EXTL3: variants seen among roughly 807,000 people sequenced by gnomAD.
The protein encoded by EXTL3 is exostosin-like 3.
EXTL3 carries 27 observed loss-of-function variants against 69.3 expected under a neutral mutation model. The observed-to-expected ratio is 0.39, with a 90% CI of 0.29 to 0.54. The LOEUF (loss-of-function observed/expected upper bound fraction) is 0.54. Ranked by LOEUF, EXTL3 falls within the 20% of genes least tolerant of loss-of-function variation. The probability of loss-of-function intolerance (pLI) is 0.69; values close to 1 mark genes in which losing one functional copy is unlikely to be tolerated. For synonymous variants in EXTL3, 511 were observed against 499.4 expected (o/e 1.02, Z -0.31); for missense variants, 1,003 against 1,231.8 (o/e 0.81, Z 2.78).
chr8:28,718,096 T>C lies in EXTL3; in HGVS notation c.2037T>C (p.Ser679=). 6.2e-7 allele frequency: 1 copy of C among 1,614,080 alleles called. No homozygotes were observed. Among genetic ancestry groups the C allele is most frequent in the Admixed American group, 1.7e-5 (1 of 60,018 alleles). The change falls in exon 3 of 7, where the codon TCT becomes TCC. Residue 679 remains serine (S), a synonymous_variant. Coordinates refer to ENST00000220562, the MANE Select transcript of EXTL3 (RefSeq NM_001440.4). ...TYEREEVLMN[S]LERLNGLPYL... ...AGCGGGAGGAAGTGCTTATGAACTC[T>C]TTAGAGAGGCTGAATGGCCTCCCTT...
intron 1 of EXTL3, among the ~76,000 whole-genome samples, chr8:28,634,468 C>T (rs1005179865): frequency 6.6e-6 from 1 of 152,148 alleles, no homozygotes; most frequent in Non-Finnish European, 1.5e-5. Flanking sequence ...TTTCCCACCC[C>T]TCCACACCTT....
At chr8:28,715,120 GA>G (rs1451855502) in intron 2 of EXTL3, among the ~76,000 whole-genome samples, 2 of 152,156 alleles carry the variant, frequency 1.3e-5, no homozygotes, top group Non-Finnish European at 2.9e-5. Context: ...TTAACAAATT[GA>G]GCTTTTCAGA....
intron 1 of EXTL3, among the ~76,000 whole-genome samples, chr8:28,643,370 C>T (rs2130588154): frequency 6.6e-6 from 1 of 152,158 alleles, no homozygotes; most frequent in Non-Finnish European, 1.5e-5. Flanking sequence ...AAGAAGTAAC[C>T]ACCGTCCTGA....
intron 1 of EXTL3, among the ~76,000 whole-genome samples, chr8:28,702,709 C>T (rs79920608): frequency 2.6e-5 from 4 of 151,824 alleles, no homozygotes; most frequent in African/African-American, 7.3e-5. Flanking sequence ...TCCATTATTT[C>T]CCCCATATGT....
At chr8:28,624,850 C>T (rs57836735) in intron 1 of EXTL3, among the ~76,000 whole-genome samples, 4,664 of 152,212 alleles carry the variant, frequency 0.031, 197 homozygotes, top group African/African-American at 0.095. Context: ...CAAGTGATTC[C>T]TATGGAAAGA....
At chr8:28,642,169 A>G (rs966342714) in intron 1 of EXTL3, among the ~76,000 whole-genome samples, 1 of 151,880 alleles carries the variant, frequency 6.6e-6, no homozygotes, top group Non-Finnish European at 1.5e-5. Context: ...TAGGCCAGGC[A>G]CAGTGGTTCA....
chr8:28,696,991 TTA>T (rs1800695418), upstream of EXTL3: 1 of 152,252 alleles, frequency 6.6e-6, no homozygotes, highest in Non-Finnish European at 1.5e-5. Context: ...CGTCACTGGC[TTA>T]TACTAGGTAT....
intron 4 of EXTL3, among the ~76,000 whole-genome samples, chr8:28,735,275 G>C (rs573589005): frequency 1.3e-5 from 2 of 152,316 alleles, no homozygotes; most frequent in Admixed American, 6.5e-5. Flanking sequence ...AAGGACTGGC[G>C]TGGTGAGCAT....
chr8:28,691,203 C>T (rs1204185793), intron 1 of EXTL3, among the ~76,000 whole-genome samples: 1 of 152,182 alleles, frequency 6.6e-6, no homozygotes, highest in African/African-American at 2.4e-5. Context: ...CATAAAAACA[C>T]ATTTTAACAT....
intron 2 of EXTL3, among the ~76,000 whole-genome samples, chr8:28,608,639 G>T (rs982826846): frequency 6.6e-6 from 1 of 151,966 alleles, no homozygotes; most frequent in Non-Finnish European, 1.5e-5. Flanking sequence ...GAAGCGGGGG[G>T]ATCACTTGAG....
intron 1 of EXTL3, among the ~76,000 whole-genome samples, chr8:28,691,210 A>G (rs1800608968): frequency 6.6e-6 from 1 of 152,254 alleles, no homozygotes; most frequent in African/African-American, 2.4e-5. Context: ...ACACATTTTA[A>G]CATAAAAAAG....
chr8:28,610,949 G>C (rs1033997436), intron 2 of EXTL3, among the ~76,000 whole-genome samples: 1 of 152,064 alleles, frequency 6.6e-6, no homozygotes, highest in East Asian at 1.9e-4. Context: ...CACCATGTTG[G>C]CCAGGCTGGT....
At chr8:28,694,139 C>T (rs1800653677) in intron 1 of EXTL3, among the ~76,000 whole-genome samples, 1 of 152,266 alleles carries the variant, frequency 6.6e-6, no homozygotes, top group Non-Finnish European at 1.5e-5. Context: ...ACCAGTTTCT[C>T]CTTCTGTGGG....
At chr8:28,641,874 C>T (rs1324187600) in intron 1 of EXTL3, among the ~76,000 whole-genome samples, 1 of 152,108 alleles carries the variant, frequency 6.6e-6, no homozygotes, top group African/African-American at 2.4e-5. Flanking sequence ...CTCGCTCTGT[C>T]ACCCAGGCTG....
chr8:28,674,138 A>G (rs1220750582), intron 1 of EXTL3, among the ~76,000 whole-genome samples: 1 of 152,166 alleles, frequency 6.6e-6, no homozygotes, highest in Non-Finnish European at 1.5e-5. Flanking sequence ...GGAGTGCAGT[A>G]GCACAATCAT....
chr8:28,699,547 T>G (rs1305469130), upstream of EXTL3: 1 of 152,444 alleles, frequency 6.6e-6, no homozygotes, highest in Non-Finnish European at 1.5e-5. Flanking sequence ...CTTGCTCTAT[T>G]GCCCAGGCTG....
intron 3 of EXTL3, among the ~76,000 whole-genome samples, chr8:28,720,993 C>T (rs994755954): frequency 3.3e-5 from 5 of 152,120 alleles, no homozygotes; most frequent in Admixed American, 1.3e-4. Flanking sequence ...TCCAGGCCTC[C>T]GTTGTTTCTG....
At chr8:28,691,390 T>C (rs1303688592) in intron 1 of EXTL3, among the ~76,000 whole-genome samples, 1 of 152,164 alleles carries the variant, frequency 6.6e-6, no homozygotes, top group Non-Finnish European at 1.5e-5. Flanking sequence ...AGCTAGACCA[T>C]AGGATGCTCC....
chr8:28,626,871 C>T (rs956011475), intron 1 of EXTL3, among the ~76,000 whole-genome samples: 7 of 152,282 alleles, frequency 4.6e-5, no homozygotes, highest in African/African-American at 1.4e-4. Flanking sequence ...GCTTCTCAAG[C>T]AATACTGTTT....
Sources: gnomAD v4.1 joint callset for allele counts (sites outside exome capture counted in the v4.1 genomes callset) on GRCh38, gnomAD v4.1.1 for gene constraint, MANE v1.5 for transcripts, NCBI Gene and HGNC (gene_info 2026-07-23, HGNC 2026-07-21) for gene names.